Variants in CHST8 observed in about 807,000 individuals in gnomAD.
CHST8 encodes the protein GALNAC-4-ST1.
A neutral mutation model predicts 15.0 loss-of-function variants in CHST8; 10 were observed. The ratio of observed to expected loss-of-function variants is 0.67; its 90% confidence interval spans 0.41 to 1.13. CHST8 has a LOEUF of 1.13. CHST8 is among the 50% of genes most tolerant of loss of function. The pLI, the probability that CHST8 is intolerant of heterozygous loss-of-function variation, is 0.00. For synonymous variants in CHST8, 259 were observed against 256.6 expected (o/e 1.01, Z -0.09); for missense variants, 634 against 608.2 (o/e 1.04, Z -0.45).
At chr19:33,657,974 G>A (rs578003745) in intron 1 of CHST8, among the ~76,000 whole-genome samples, 40 of 152,290 alleles carry the variant, frequency 2.6e-4, no homozygotes, top group African/African-American at 9.4e-4. Flanking sequence ...TGTACACTGA[G>A]CATTCTCTCT....
intron 3 of CHST8, among the ~76,000 whole-genome samples, chr19:33,758,580 G>A (rs1219917238): frequency 2.6e-5 from 4 of 152,220 alleles, no homozygotes; most frequent in Admixed American, 6.5e-5. Context: ...GGTAATTGAC[G>A]TGGCAGCCAG....
rs149689002 is a variant in CHST8 at position 33,635,704 on chromosome 19, T to C, written c.-164+13408T>C. 4.6e-4 allele frequency among the ~76,000 whole-genome samples: 70 copies of C among 152,252 alleles called. 1 individual carries two copies. Among genetic ancestry groups the C allele is most frequent in the Admixed American group, 8.5e-4 (13 of 15,290 alleles). The stretch of plus-strand genomic sequence containing the variant: ...TGCGGGCTTAGTTCCCCGGAGATAC[T>C]GCGGTCCAGTTGACCCACCACACAA... On this transcript the variant is annotated intron_variant, in intron 1 of 4. Coordinates refer to ENST00000650847, the MANE Select transcript of CHST8 (RefSeq NM_001127895.2).
chr19:33,691,081 T>C (rs1973092963), intron 3 of CHST8, among the ~76,000 whole-genome samples: 1 of 152,170 alleles, frequency 6.6e-6, no homozygotes, highest in South Asian at 2.1e-4. Context: ...GATGGGACTG[T>C]GGTTTGGTGG....
At chr19:33,680,914 A>T (rs936756383) in intron 2 of CHST8, among the ~76,000 whole-genome samples, 57 of 152,362 alleles carry the variant, frequency 3.7e-4, no homozygotes, top group African/African-American at 1.3e-3. Context: ...TTGAGATAAT[A>T]ATATATTCAT....
At chr19:33,755,007 G>T (rs1023496101) in intron 3 of CHST8, among the ~76,000 whole-genome samples, 3 of 152,188 alleles carry the variant, frequency 2.0e-5, no homozygotes, top group African/African-American at 4.8e-5. Flanking sequence ...AGCCATCCTA[G>T]CCTGGCCCAT....
intron 1 of CHST8, among the ~76,000 whole-genome samples, chr19:33,630,046 G>A (rs911827847): frequency 2.0e-5 from 2 of 99,392 alleles, no homozygotes; most frequent in Non-Finnish European, 5.0e-5. Context: ...CCCCACCTTC[G>A]AGGCTGCCTT....
chr19:33,709,779 C>T (rs1973514409), intron 3 of CHST8, among the ~76,000 whole-genome samples: 1 of 152,150 alleles, frequency 6.6e-6, no homozygotes, highest in African/African-American at 2.4e-5. Flanking sequence ...GGCATTATTT[C>T]TTTTTAAATG....
At position 33,654,040 on chromosome 19, in the gene CHST8, A is replaced by G. The variant is rs546098962; in HGVS notation, c.-163-13727A>G. Among the ~76,000 whole-genome samples, 305 of 152,226 alleles carry G rather than the reference A, an allele frequency of 2.0e-3. 3 individuals are homozygous for G. The highest frequency in any genetic ancestry group is 3.2e-3 in the Non-Finnish European group (221 of 68,018). Reference sequence around the variant, plus strand: ...ATTCTCTTCCTTGGAATTCAGATTCATGTTTTTCCATGTTTGCATTCTGGG... The same window carrying G: ...ATTCTCTTCCTTGGAATTCAGATTCGTGTTTTTCCATGTTTGCATTCTGGG... On this transcript the variant is annotated intron_variant, in intron 1 of 4. Coordinates refer to ENST00000650847, the MANE Select transcript of CHST8 (RefSeq NM_001127895.2).
At chr19:33,687,150 G>A (rs1568327590) in intron 2 of CHST8, among the ~76,000 whole-genome samples, 1 of 152,274 alleles carries the variant, frequency 6.6e-6, no homozygotes, top group Admixed American at 6.5e-5. Context: ...CCCCGGTGGG[G>A]CTGGGACTCT....
At chr19:33,636,340 T>G (rs1254549859) in intron 1 of CHST8, among the ~76,000 whole-genome samples, 1 of 152,190 alleles carries the variant, frequency 6.6e-6, no homozygotes, top group African/African-American at 2.4e-5. Context: ...GAATATGAAG[T>G]GTTTATCAAA....
At chr19:33,692,648 G>A (rs942026069) in intron 3 of CHST8, among the ~76,000 whole-genome samples, 3 of 152,190 alleles carry the variant, frequency 2.0e-5, no homozygotes, top group Admixed American at 2.0e-4. Context: ...ACTGCAGTGA[G>A]CTGATTGTGC....
chr19:33,725,876 G>A (rs1973887455), intron 3 of CHST8, among the ~76,000 whole-genome samples: 1 of 152,232 alleles, frequency 6.6e-6, no homozygotes, highest in Admixed American at 6.5e-5. Context: ...CAGGGTCTAG[G>A]TGGCTGGTAT....
At chr19:33,771,868 A>G (rs1056508593) in intron 4 of CHST8, 89 bp from the exon 5 acceptor site, 1 of 1,441,978 alleles carries the variant, frequency 6.9e-7, no homozygotes, top group Non-Finnish European at 9.4e-7. Context: ...AGGGACAGGA[A>G]CCCCAGCCGT....
At chr19:33,689,123 C>A in intron 2 of CHST8, 53 bp from the exon 3 acceptor site, 1 of 1,043,414 alleles carries the variant, frequency 9.6e-7, no homozygotes, top group Non-Finnish European at 1.3e-6. Context: ...AGGGCCTACA[C>A]CTGCCCGGGT....
intron 2 of CHST8, among the ~76,000 whole-genome samples, chr19:33,688,115 TG>T (rs963213989): frequency 3.9e-5 from 6 of 152,134 alleles, no homozygotes. Flanking sequence ...AAAGCGGGGT[TG>T]GGGGGTCCCT....
At chr19:33,641,146 C>T (rs955903879) in intron 1 of CHST8, among the ~76,000 whole-genome samples, 2 of 152,168 alleles carry the variant, frequency 1.3e-5, no homozygotes, top group Non-Finnish European at 2.9e-5. Flanking sequence ...CTCAGCTCCT[C>T]GCAGGTGGCT....
intron 1 of CHST8, among the ~76,000 whole-genome samples, chr19:33,630,160 G>T (rs139716446): frequency 2.0e-5 from 3 of 152,194 alleles, no homozygotes; most frequent in Non-Finnish European, 4.4e-5. Context: ...TTCCTGTGCC[G>T]CATCCAGGCA....
chr19:33,724,339 G>A (rs1424612191), intron 3 of CHST8, among the ~76,000 whole-genome samples: 1 of 152,164 alleles, frequency 6.6e-6, no homozygotes, highest in Non-Finnish European at 1.5e-5. Context: ...TGCTGGGCGA[G>A]CCCCCACCCG....
intron 1 of CHST8, among the ~76,000 whole-genome samples, chr19:33,625,196 C>G (rs1295039873): frequency 2.0e-5 from 3 of 152,080 alleles, no homozygotes; most frequent in African/African-American, 7.2e-5. Flanking sequence ...AGCAATTCTC[C>G]TGCCTCAGCC....
Sources: gnomAD v4.1 joint callset for allele counts (sites outside exome capture counted in the v4.1 genomes callset) on GRCh38, gnomAD v4.1.1 for gene constraint, MANE v1.5 for transcripts, NCBI Gene and HGNC (gene_info 2026-07-23, HGNC 2026-07-21) for gene names.